The following DAB1 variants were observed in gnomAD, a reference collection of about 807,000 sequenced individuals.
DAB1 encodes the protein DAB adaptor protein 1.
In DAB1, 15 loss-of-function variants were observed where a neutral mutation model predicts 64.6. That is an observed-to-expected ratio of 0.23 (90% CI 0.16 to 0.36). The LOEUF (loss-of-function observed/expected upper bound fraction) is 0.36, where lower values mean the gene tolerates loss of function less well. Among genes scored for constraint, DAB1 ranks in the 10% least tolerant of loss-of-function variants. DAB1 has a pLI of 1.00. For missense variants in DAB1, 596 were observed against 706.7 expected, an observed-to-expected ratio of 0.84 and a Z score of 1.78; for synonymous variants, 235 against 251.9, an observed-to-expected ratio of 0.93 and a Z score of 0.64.
At chr1:57,112,421 G>A (rs907335011) in intron 4 of DAB1, among the ~76,000 whole-genome samples, 1 of 152,200 alleles carries the variant, frequency 6.6e-6, no homozygotes, top group African/African-American at 2.4e-5. Context: ...AGATGGGGCA[G>A]TCCAATTCCT....
intron 5 of DAB1, among the ~76,000 whole-genome samples, chr1:58,148,667 A>G (rs2100728577): frequency 6.6e-6 from 1 of 152,276 alleles, no homozygotes; most frequent in African/African-American, 2.4e-5. Flanking sequence ...GAGCAAAGGC[A>G]TGTCTTACAT....
rs529515019 is a variant in DAB1, at chr1:58,059,637, A to G, written n.387+90874T>C. 2.4e-4 allele frequency among the ~76,000 whole-genome samples: 36 copies of G among 152,366 alleles called. No individual in the cohort carries two copies. The South Asian group carries it at 2.7e-3, about 11-fold the overall frequency. On this transcript the variant is annotated intron_variant and non_coding_transcript_variant, in intron 5 of 20. Transcript: ENST00000485760. ...GGGGCTACAAAGGAAAATAAGATGC[A>G]GTCCTCAACTTCAAGGAGCACACAG...
intron 14 of DAB1, among the ~76,000 whole-genome samples, chr1:57,004,910 G>T (rs1446177048): frequency 6.6e-6 from 1 of 152,104 alleles, no homozygotes; most frequent in Non-Finnish European, 1.5e-5. Flanking sequence ...TACCTCATGG[G>T]ACTGTGACAA....
chr1:58,327,597 C>T (rs1662863168), intron 4 of DAB1, among the ~76,000 whole-genome samples: 1 of 152,154 alleles, frequency 6.6e-6, no homozygotes, highest in Non-Finnish European at 1.5e-5. Flanking sequence ...TTGTAATTAG[C>T]TATGGGGATG....
At chr1:58,522,166 G>A (rs759020451) in intron 2 of DAB1, among the ~76,000 whole-genome samples, 42 of 152,144 alleles carry the variant, frequency 2.8e-4, no homozygotes, top group Non-Finnish European at 4.0e-4. Flanking sequence ...AATACAGGCA[G>A]AAAATGCAGG....
At chr1:57,411,429 C>T (rs996033318) in intron 1 of DAB1, among the ~76,000 whole-genome samples, 1 of 152,216 alleles carries the variant, frequency 6.6e-6, no homozygotes, top group Non-Finnish European at 1.5e-5. Context: ...AACTGGGCTA[C>T]CAGCCAAAAT....
At chr1:57,900,953 T>C (rs538687264) in intron 5 of DAB1, among the ~76,000 whole-genome samples, 1 of 152,244 alleles carries the variant, frequency 6.6e-6, no homozygotes, top group South Asian at 2.1e-4. Context: ...TCATAAACAC[T>C]CCTTGGATAA....
intron 9 of DAB1, among the ~76,000 whole-genome samples, chr1:57,041,238 A>C (rs1478795567): frequency 6.6e-6 from 1 of 152,188 alleles, no homozygotes; most frequent in Non-Finnish European, 1.5e-5. Flanking sequence ...TCACTTCTTC[A>C]TTCTTGGATT....
intron 4 of DAB1, among the ~76,000 whole-genome samples, chr1:58,270,549 A>G (rs1661290418): frequency 1.8e-5 from 1 of 56,360 alleles, no homozygotes; most frequent in Non-Finnish European, 3.5e-5. Flanking sequence ...GTTTTTTCCA[A>G]TTCTGTGAGG....
chr1:58,002,907 C>A (rs1462471983), intron 5 of DAB1, among the ~76,000 whole-genome samples: 1 of 151,866 alleles, frequency 6.6e-6, no homozygotes, highest in Non-Finnish European at 1.5e-5. Flanking sequence ...TTTTTAAAAT[C>A]TGTAATATAA....
At chr1:58,523,069 T>C (rs1646292483) in intron 2 of DAB1, among the ~76,000 whole-genome samples, 1 of 152,214 alleles carries the variant, frequency 6.6e-6, no homozygotes, top group Non-Finnish European at 1.5e-5. Context: ...CTAATGTCAA[T>C]TTGTTTTCTG....
intron 1 of DAB1, among the ~76,000 whole-genome samples, chr1:58,539,855 G>A (rs1029317444): frequency 2.0e-5 from 3 of 152,206 alleles, no homozygotes; most frequent in East Asian, 3.9e-4. Context: ...CCCCTAAATC[G>A]AAGAGATAAA....
At chr1:57,197,343 CAAA>C (rs772162205) in intron 2 of DAB1, among the ~76,000 whole-genome samples, 4 of 90,086 alleles carry the variant, frequency 4.4e-5, no homozygotes, top group Non-Finnish European at 2.6e-5. Context: ...GACTTCATCT[CAAA>C]AAAAAAAAAA....
intron 5 of DAB1, among the ~76,000 whole-genome samples, chr1:58,065,657 C>G (rs929486454): frequency 1.3e-5 from 2 of 152,086 alleles, no homozygotes; most frequent in Non-Finnish European, 1.5e-5. Flanking sequence ...TGGCGGGCTC[C>G]CCTGAAGCAG....
In DAB1 at chr1:57,014,957, T is replaced by C; in HGVS notation, c.1370A>G (p.Asp457Gly). 1 of 1,613,676 alleles carries C rather than the reference T, an allele frequency of 6.2e-7. No homozygotes were observed. Among genetic ancestry groups the C allele is most frequent in the South Asian group, 1.1e-5 (1 of 90,956 alleles). ...GGAGATGTCAAAGTCATCACAGTCG[T>C]CTGTATCCTGTGCCACCCCGACTTT... ...FNKVGVAQDT[D>G]DCDDFDISQL... is the part of the protein sequence containing the mutation. The change falls in exon 12 of 15, where the codon GAC becomes GGC. Residue 457 changes from aspartate (D) to glycine (G), a missense_variant. Coordinates refer to ENST00000371236, the MANE Select transcript of DAB1 (RefSeq NM_001365792.1).
At chr1:58,050,870 T>C (rs1306255417) in intron 5 of DAB1, among the ~76,000 whole-genome samples, 1 of 152,104 alleles carries the variant, frequency 6.6e-6, no homozygotes, top group Non-Finnish European at 1.5e-5. Context: ...GGCACATGGC[T>C]GATAGATTTT....
chr1:57,386,585 TC>T (rs1343196044), intron 1 of DAB1: 1 of 152,038 alleles, frequency 6.6e-6, no homozygotes, highest in Non-Finnish European at 1.5e-5. Flanking sequence ...ATGGATCAAC[TC>T]CTTCACTTTG....
In DAB1 at chr1:57,071,449, C is replaced by A; in HGVS notation, c.558+73G>T. The A allele has an allele frequency of 9.8e-6, 15 of 1,533,634 alleles. 1 individual carries two copies. The South Asian group carries it at 1.9e-4, about 19-fold the overall frequency. ...TCTACTTGGCAGCAGGAAGAGAAGGCCTGACTGTCAGTTTTTACATGTGTT... is the reference window on the plus strand; with the variant it reads ...TCTACTTGGCAGCAGGAAGAGAAGGACTGACTGTCAGTTTTTACATGTGTT... On this transcript the variant is annotated intron_variant, in intron 6 of 14. Coordinates refer to ENST00000371236, the MANE Select transcript of DAB1 (RefSeq NM_001365792.1).
At chr1:57,309,938 T>C (rs1674528200) in intron 1 of DAB1, among the ~76,000 whole-genome samples, 1 of 152,168 alleles carries the variant, frequency 6.6e-6, no homozygotes, top group African/African-American at 2.4e-5. Context: ...TGCAGTTTAG[T>C]GTTCTGCCAC....
Sources: allele counts gnomAD v4.1 joint callset (sites outside exome capture counted in the v4.1 genomes callset), GRCh38; gene constraint gnomAD v4.1.1; transcripts MANE v1.5; gene names NCBI Gene and HGNC (gene_info 2026-07-23, HGNC 2026-07-21).